IL36RN: variants seen among roughly 807,000 people sequenced by gnomAD.
IL36RN encodes the protein interleukin 36 receptor antagonist, also known as interleukin-36 receptor antagonist protein.
Under a neutral mutation model 13.0 loss-of-function variants are expected in IL36RN, and 11 were observed. The observed-to-expected ratio is 0.85, with a 90% CI of 0.53 to 1.40. The LOEUF is 1.40. Ranked by LOEUF, IL36RN falls within the 40% of genes most tolerant of loss-of-function variation. IL36RN has a pLI of 0.00. For missense variants in IL36RN, 195 were observed against 195.3 expected (o/e 1.00, Z 0.01); for synonymous variants, 94 against 84.1 (o/e 1.12, Z -0.64).
At chr2:113,061,116 G>T (rs1452434886) in intron 3 of IL36RN, among the ~76,000 whole-genome samples, 179 bp downstream of exon 3, 1 of 152,202 alleles carries the variant, frequency 6.6e-6, no homozygotes, top group Non-Finnish European at 1.5e-5. Context: ...TCAGCAAAGT[G>T]AAGACACAGG....
chr2:113,060,875 T>C lies in IL36RN; in HGVS notation c.53T>C (p.Val18Ala). 1.9e-6 allele frequency: 3 copies of C among 1,614,086 alleles called. No homozygotes were observed. The highest frequency in any genetic ancestry group is 1.1e-5 in the South Asian group (1 of 91,076). Residue 18 changes from valine (V) to alanine (A), a missense_variant, in exon 3 of 5, where the codon GTG becomes GCG. Val to Ala is a moderately conservative substitution (Grantham distance 64). Coordinates refer to ENST00000393200, the MANE Select transcript of IL36RN (RefSeq NM_012275.3). ...CFRMKDSALKVLYLHNNQLLA... is the reference protein window; with the variant it reads ...CFRMKDSALKALYLHNNQLLA... Reference sequence around the variant, plus strand: ...AGAATGAAGGACTCGGCATTGAAGGTGCTTTATCTGCATAATAACCAGCTT... The same window carrying C: ...AGAATGAAGGACTCGGCATTGAAGGCGCTTTATCTGCATAATAACCAGCTT...
chr2:113,059,257 C>T lies in IL36RN; in HGVS notation c.-28+16C>T. 1.4e-6 allele frequency: 1 copy of T among 690,064 alleles called. No individual in the cohort carries two copies. Among genetic ancestry groups the T allele is most frequent in the Admixed American group, 2.1e-5 (1 of 48,222 alleles). The allele number at this position is 690,064 out of a possible 1,614,324, so 42.7% of individuals were successfully genotyped here. On this transcript the variant is annotated intron_variant, in intron 1 of 4. Coordinates refer to ENST00000393200, the MANE Select transcript of IL36RN (RefSeq NM_012275.3). ...ACATTCTGAGGTATGCTCTGGGGCG[C>T]TGGTGGTACCGGAGCTCTCTCCTGA...
rs914061167 is a variant in IL36RN at position 113,059,339 on chromosome 2, A to T, written c.-27-73A>T. The stretch of plus-strand genomic sequence containing the variant: ...GTTCACATGCTGGGGAGCTCGGTGC[A>T]GCTGCTTGCTCCCCAGACCCCAGCC... On this transcript the variant is annotated intron_variant, in intron 1 of 4. Coordinates refer to ENST00000393200, the MANE Select transcript of IL36RN (RefSeq NM_012275.3). 5 of 1,320,796 alleles carry T rather than the reference A, an allele frequency of 3.8e-6. No homozygotes were observed. The East Asian group carries it at 1.2e-4, about 31-fold the overall frequency. 81.8% of individuals were successfully genotyped at this position (1,320,796 alleles called of 1,614,324 possible).
chr2:113,062,474 T>A lies in IL36RN; in HGVS notation c.265T>A (p.Tyr89Asn), dbSNP rs778949379. ...TLEPVNIMELYLGAKESKSFT... is the reference protein window; with the variant it reads ...TLEPVNIMELNLGAKESKSFT... ...GCAGCCAGTGAACATCATGGAGCTCTATCTTGGTGCCAAGGAATCCAAGAG... is the reference window on the plus strand; with the variant it reads ...GCAGCCAGTGAACATCATGGAGCTCAATCTTGGTGCCAAGGAATCCAAGAG... Residue 89 changes from tyrosine (Y) to asparagine (N), a missense_variant, in exon 5 of 5, where the codon TAT (tyrosine) becomes AAT (asparagine). Coordinates refer to ENST00000393200, the MANE Select transcript of IL36RN (RefSeq NM_012275.3). 6.2e-7 allele frequency: 1 copy of A among 1,614,136 alleles called. No homozygotes were observed. Among genetic ancestry groups the A allele is most frequent in the East Asian group, 2.2e-5 (1 of 44,872 alleles).
At position 113,063,381 on chromosome 2, in the gene IL36RN, A is replaced by G. The variant is rs930696602; in HGVS notation, c.*704A>G. ...AAAGTGCTCATGACATATTGAGAAG[A>G]CCTACTTACAAAGTGGCATATATTG... On this transcript the variant is annotated 3_prime_UTR_variant, in exon 5 of 5. Coordinates refer to ENST00000393200, the MANE Select transcript of IL36RN (RefSeq NM_012275.3). 6.5e-6 allele frequency: 1 copy of G among 152,992 alleles called. No homozygotes were observed. The highest frequency in any genetic ancestry group is 6.5e-5 in the Admixed American group (1 of 15,426). 9.5% of individuals were successfully genotyped at this position (152,992 alleles called of 1,614,324 possible). A position where few individuals can be genotyped will look rare whatever the true frequency, so the allele number is the denominator to read the frequency against.
chr2:113,059,758 T>C (rs143351967), intron 2 of IL36RN, among the ~76,000 whole-genome samples: 1 of 152,318 alleles, frequency 6.6e-6, no homozygotes, highest in East Asian at 1.9e-4. Context: ...CCAGGATCCC[T>C]GCTCAGAGCT....
chr2:113,059,511 G>A, intron 2 of IL36RN, 44 bp downstream of exon 2: 1 of 1,610,610 alleles, frequency 6.2e-7, no homozygotes, highest in African/African-American at 1.3e-5. Context: ...TCCGGAGGAA[G>A]TGAGTTCTGG....
At chr2:113,060,968 G>A (rs1235335708) in intron 3 of IL36RN, 31 bp downstream of exon 3, 2 of 1,532,572 alleles carry the variant, frequency 1.3e-6, no homozygotes, top group South Asian at 1.1e-5. Context: ...CACTTTCCTT[G>A]GTCTCTATAC....
chr2:113,062,720 GT>G lies in IL36RN; in HGVS notation c.*44del. On this transcript the variant is annotated 3_prime_UTR_variant, in exon 5 of 5. Transcript: ENST00000393200. The stretch of plus-strand genomic sequence containing the variant: ...AACTCCCTGGGCAGAGCCAGCTCGG[GT>G]GAGGGGTGAGTGGAGGAGACCCATG... The G allele has an allele frequency of 6.5e-7, 1 of 1,546,498 alleles. No homozygotes were observed. Among genetic ancestry groups the G allele is most frequent in the Non-Finnish European group, 8.8e-7 (1 of 1,133,360 alleles).
chr2:113,062,206 G>A lies in IL36RN; in HGVS notation c.198G>A (p.Gln66=), dbSNP rs1044950723. ...PVILGVQGGS[Q]CLSCGVGQEP... is the part of the protein sequence containing the mutation. Reference sequence around the variant, plus strand: ...TCCTGGGTGTCCAGGGTGGAAGCCAGTGCCTGTCATGTGGGGTGGGGCAGG... The same window carrying A: ...TCCTGGGTGTCCAGGGTGGAAGCCAATGCCTGTCATGTGGGGTGGGGCAGG... Residue 66 remains glutamine (Q), a synonymous_variant, in exon 4 of 5, where the codon CAG becomes CAA. Coordinates refer to ENST00000393200, the MANE Select transcript of IL36RN (RefSeq NM_012275.3). The A allele has an allele frequency of 1.2e-6, 2 of 1,614,002 alleles. No individual in the cohort carries two copies. Among genetic ancestry groups the A allele is most frequent in the Admixed American group, 3.3e-5 (2 of 60,006 alleles).
intron 3 of IL36RN, among the ~76,000 whole-genome samples, chr2:113,061,538 GT>G (rs1423629602): frequency 6.7e-6 from 1 of 150,232 alleles, no homozygotes; most frequent in African/African-American, 2.5e-5. Flanking sequence ...GTGCTTACTG[GT>G]GTATGTATGT....
Position 113,062,743 on chromosome 2 carries a change from C to A in IL36RN, c.*66C>A. On this transcript the variant is annotated 3_prime_UTR_variant, in exon 5 of 5. Coordinates refer to ENST00000393200, the MANE Select transcript of IL36RN (RefSeq NM_012275.3). Reference sequence around the variant, plus strand: ...GGGTGAGGGGTGAGTGGAGGAGACCCATGGCGGACAATCACTCTCTCTGCT... The same window carrying A: ...GGGTGAGGGGTGAGTGGAGGAGACCAATGGCGGACAATCACTCTCTCTGCT... 7.3e-7 allele frequency: 1 copy of A among 1,372,436 alleles called. No homozygotes were observed. Among genetic ancestry groups the A allele is most frequent in the Non-Finnish European group, 1.0e-6 (1 of 986,040 alleles). 85.0% of individuals were successfully genotyped at this position (1,372,436 alleles called of 1,614,324 possible).
rs1319701742 is a variant in IL36RN, at chr2:113,062,308, G to A, written c.243+57G>A. 16 of 1,611,280 alleles carry A rather than the reference G, an allele frequency of 9.9e-6. No homozygotes were observed. In the Admixed American group the frequency reaches 1.3e-4, roughly 13 times the overall value. ...AGCCACAGATGCTGAGCCTACTGAA[G>A]CCGGGCAGCCCACAGCCCTGGTGCT... is the stretch of plus-strand genomic sequence containing the variant. On this transcript the variant is annotated intron_variant, in intron 4 of 4. Coordinates refer to ENST00000393200, the MANE Select transcript of IL36RN (RefSeq NM_012275.3).
Position 113,062,731 on chromosome 2 carries a change from G to A in IL36RN, c.*54G>A. 1 of 1,486,164 alleles carries A rather than the reference G, an allele frequency of 6.7e-7. No individual in the cohort carries two copies. The highest frequency in any genetic ancestry group is 9.2e-7 in the Non-Finnish European group (1 of 1,082,590). The allele number at this position is 1,486,164 out of a possible 1,614,324, so 92.1% of individuals were successfully genotyped here. A position where few individuals can be genotyped will look rare whatever the true frequency, so the allele number is the denominator to read the frequency against. On this transcript the variant is annotated 3_prime_UTR_variant, in exon 5 of 5. Transcript: ENST00000393200. ...CAGAGCCAGCTCGGGTGAGGGGTGA[G>A]TGGAGGAGACCCATGGCGGACAATC...
In IL36RN at chr2:113,063,036, C is replaced by T; in HGVS notation, c.*359C>T. ...CCCTGAGCCCCGCAGGCCAACCCATCCCCAGTTGAGCCTTATAGGGTCAGT... is the reference window on the plus strand; with the variant it reads ...CCCTGAGCCCCGCAGGCCAACCCATTCCCAGTTGAGCCTTATAGGGTCAGT... On this transcript the variant is annotated 3_prime_UTR_variant, in exon 5 of 5. Transcript: ENST00000393200. 7 of 367,512 alleles carry T rather than the reference C, an allele frequency of 1.9e-5. 1 individual carries two copies. The highest frequency in any genetic ancestry group is 1.5e-4 in the South Asian group (7 of 46,782). The allele number at this position is 367,512 out of a possible 1,614,324, so 22.8% of individuals were successfully genotyped here. A position where few individuals can be genotyped will look rare whatever the true frequency, so the allele number is the denominator to read the frequency against.
intron 2 of IL36RN, 84 bp from the exon 3 acceptor site, chr2:113,060,768 G>T: frequency 1.1e-6 from 1 of 937,176 alleles, no homozygotes. Context: ...AAATGCCTGA[G>T]ATCAGGGGGT....
intron 4 of IL36RN, 61 bp from the exon 5 acceptor site, chr2:113,062,392 G>T: frequency 2.5e-6 from 4 of 1,605,988 alleles, no homozygotes; most frequent in Non-Finnish European, 3.4e-6. Flanking sequence ...TAAGGATCCT[G>T]CCCAGCCCTC....
intron 3 of IL36RN, among the ~76,000 whole-genome samples, chr2:113,061,473 C>G (rs1388179453): frequency 2.6e-4 from 40 of 152,112 alleles, no homozygotes; most frequent in Middle Eastern, 3.2e-3. Context: ...CTGGGGCACC[C>G]TTGCTGAGCA....
At position 113,062,594 on chromosome 2, in the gene IL36RN, C is replaced by A. The variant is rs1221704110; in HGVS notation, c.385C>A (p.Gln129Lys). The A allele has an allele frequency of 6.2e-7, 1 of 1,613,836 alleles. No individual in the cohort carries two copies. The highest frequency in any genetic ancestry group is 1.3e-5 in the African/African-American group (1 of 75,040). ...CCTGTGCACGGTGCCTGAAGCCGAT[C>A]AGCCTGTCAGACTCACCCAGCTTCC... ...WFLCTVPEAD[Q>K]PVRLTQLPEN... The change falls in exon 5 of 5, where the codon CAG (glutamine) becomes AAG (lysine). Residue 129 changes from glutamine (Q) to lysine (K), a missense_variant. Coordinates refer to ENST00000393200, the MANE Select transcript of IL36RN (RefSeq NM_012275.3).
Sources: allele counts gnomAD v4.1 joint callset (sites outside exome capture counted in the v4.1 genomes callset), GRCh38; gene constraint gnomAD v4.1.1; transcripts MANE v1.5; gene names NCBI Gene and HGNC (gene_info 2026-07-23, HGNC 2026-07-21).